The following CAPN9 variants were observed in gnomAD, a reference collection of about 807,000 sequenced individuals.
CAPN9 encodes the protein calpain 9.
CAPN9 carries 81 observed loss-of-function variants against 92.8 expected under a neutral mutation model. The ratio of observed to expected loss-of-function variants is 0.87; its 90% confidence interval spans 0.73 to 1.05. The LOEUF is 1.05. CAPN9 is among the 50% of genes least tolerant of loss of function. CAPN9 has a pLI of 0.00. For missense variants in CAPN9, 848 were observed against 866.2 expected (o/e 0.98, Z 0.26); for synonymous variants, 304 against 328.0 (o/e 0.93, Z 0.79).
intron 1 of CAPN9, among the ~76,000 whole-genome samples, chr1:230,748,307 A>G (rs1259505757): frequency 1.3e-5 from 2 of 152,166 alleles, no homozygotes; most frequent in Non-Finnish European, 2.9e-5. Context: ...CTGGGTCCCA[A>G]GAGGTGCTAG....
intron 8 of CAPN9, among the ~76,000 whole-genome samples, chr1:230,777,922 A>G (rs1248531043): frequency 6.6e-6 from 1 of 150,408 alleles, no homozygotes; most frequent in Non-Finnish European, 1.5e-5. Context: ...GTCTATTCCC[A>G]CTCTTTAGGC....
chr1:230,788,184 C>G (rs978413135), intron 13 of CAPN9, among the ~76,000 whole-genome samples: 1 of 152,172 alleles, frequency 6.6e-6, no homozygotes, highest in Non-Finnish European at 1.5e-5. Context: ...CTAGAGCAAG[C>G]CTTGAAGAGG....
chr1:230,751,385 G>C (rs919742373), intron 1 of CAPN9, among the ~76,000 whole-genome samples: 8 of 151,700 alleles, frequency 5.3e-5, no homozygotes, highest in Admixed American at 3.3e-4. Flanking sequence ...TCACTGGAAG[G>C]CCATGTGAAA....
At chr1:230,787,184 C>T (rs1187788360) in intron 12 of CAPN9, among the ~76,000 whole-genome samples, 1 of 152,184 alleles carries the variant, frequency 6.6e-6, no homozygotes, top group East Asian at 1.9e-4. Flanking sequence ...GTAAGTCATT[C>T]CAGTCCAGGG....
intron 8 of CAPN9, among the ~76,000 whole-genome samples, chr1:230,778,360 A>G (rs967227523): frequency 6.6e-6 from 1 of 152,088 alleles, no homozygotes; most frequent in African/African-American, 2.4e-5. Flanking sequence ...CTCTGCTTCC[A>G]CTTGTGTCCC....
intron 11 of CAPN9, among the ~76,000 whole-genome samples, chr1:230,785,683 G>A (rs574952162): frequency 1.3e-5 from 2 of 152,162 alleles, no homozygotes; most frequent in Non-Finnish European, 2.9e-5. Flanking sequence ...GTAGAACCAT[G>A]AGCCAATCAA....
chr1:230,759,730 T>C (rs1665514116), intron 3 of CAPN9, 100 bp downstream of exon 3: 2 of 725,526 alleles, frequency 2.8e-6, no homozygotes, highest in Admixed American at 2.9e-5. Flanking sequence ...AAAAATGTCA[T>C]CAGATCTGTG....
At chr1:230,780,118 GTGT>G (rs1667107960) in intron 9 of CAPN9, 58 bp from the exon 10 acceptor site, 3 of 862,892 alleles carry the variant, frequency 3.5e-6, no homozygotes, top group Non-Finnish European at 3.6e-6. Flanking sequence ...GTGTGTGTGT[GTGT>G]GGTCTTTGTG....
chr1:230,796,389 T>A (rs1459351682), intron 18 of CAPN9, among the ~76,000 whole-genome samples: 1 of 151,070 alleles, frequency 6.6e-6, no homozygotes, highest in Admixed American at 6.6e-5. Flanking sequence ...TTAAATTAAA[T>A]TAAAATAAAA....
chr1:230,795,717 C>G (rs190261324), intron 18 of CAPN9, among the ~76,000 whole-genome samples: 1 of 151,942 alleles, frequency 6.6e-6, no homozygotes, highest in East Asian at 1.9e-4. Flanking sequence ...ATTATGTGCC[C>G]GTGCGCTTCA....
chr1:230,748,148 G>A (rs1331117098), intron 1 of CAPN9, among the ~76,000 whole-genome samples: 1 of 152,192 alleles, frequency 6.6e-6, no homozygotes, highest in South Asian at 2.1e-4. Flanking sequence ...GGCTCAGCAA[G>A]GTCTCAGCAA....
At chr1:230,747,733 G>A in intron 1 of CAPN9, 24 bp downstream of exon 1, 1 of 1,606,536 alleles carries the variant, frequency 6.2e-7, no homozygotes, top group South Asian at 1.1e-5. Context: ...GCAGGGGAAG[G>A]AGCATAGATG....
intron 8 of CAPN9, among the ~76,000 whole-genome samples, chr1:230,778,084 G>A (rs1008053138): frequency 2.6e-5 from 4 of 151,656 alleles, no homozygotes; most frequent in African/African-American, 7.3e-5. Context: ...TCACATTCAC[G>A]TGCCCAAACC....
At chr1:230,781,942 T>A (rs1667254598) in intron 11 of CAPN9, among the ~76,000 whole-genome samples, 1 of 152,228 alleles carries the variant, frequency 6.6e-6, no homozygotes, top group South Asian at 2.1e-4. Flanking sequence ...TTAAACACTC[T>A]ACCAGAGAAT....
chr1:230,799,360 C>T (rs1214070948), intron 19 of CAPN9, among the ~76,000 whole-genome samples: 1 of 152,174 alleles, frequency 6.6e-6, no homozygotes, highest in East Asian at 1.9e-4. Flanking sequence ...ATATTACACC[C>T]AAAGCTTTGC....
At chr1:230,787,288 G>A (rs543209034) in intron 12 of CAPN9, among the ~76,000 whole-genome samples, 29 of 152,244 alleles carry the variant, frequency 1.9e-4, no homozygotes, top group Middle Eastern at 3.4e-3. Context: ...TGGCCTCCTC[G>A]TCTGTAAGGC....
intron 19 of CAPN9, among the ~76,000 whole-genome samples, chr1:230,800,071 G>A (rs892721261): frequency 2.6e-5 from 4 of 151,890 alleles, no homozygotes; most frequent in South Asian, 2.1e-4. Flanking sequence ...CCAGCTACTC[G>A]GGAGGCTGAG....
intron 16 of CAPN9, 120 bp downstream of exon 16, chr1:230,792,614 G>C (rs1373120511): frequency 1.2e-6 from 1 of 846,920 alleles, no homozygotes. Context: ...TCGGACAGGG[G>C]AGAAGGGAAA....
chr1:230,762,117 C>T (rs551331636), intron 3 of CAPN9, among the ~76,000 whole-genome samples: 78 of 152,338 alleles, frequency 5.1e-4, no homozygotes, highest in African/African-American at 1.6e-3. Context: ...CTCACTGGCA[C>T]GCAGGGATTA....
Sources: allele counts gnomAD v4.1 joint callset (sites outside exome capture counted in the v4.1 genomes callset), GRCh38; gene constraint gnomAD v4.1.1; transcripts MANE v1.5; gene names NCBI Gene and HGNC (gene_info 2026-07-23, HGNC 2026-07-21).